BDNF: variants seen among roughly 807,000 people sequenced by gnomAD.
BDNF encodes the protein brain derived neurotrophic factor, also known as neurotrophic factor BDNF precursor form.
BDNF carries 1 observed loss-of-function variant against 19.5 expected under a neutral mutation model. The observed-to-expected ratio is 0.05, with a 90% confidence interval of 0.02 to 0.24. The LOEUF is 0.24. BDNF is among the 10% of genes least tolerant of loss of function. The pLI is 1.00. For missense variants in BDNF, 195 were observed against 317.6 expected, an observed-to-expected ratio of 0.61 and a Z score of 2.93; for synonymous variants, 100 against 121.6, an observed-to-expected ratio of 0.82 and a Z score of 1.17.
At chr11:27,692,682 T>C (rs1330927337) in intron 1 of BDNF, among the ~76,000 whole-genome samples, 1 of 152,244 alleles carries the variant, frequency 6.6e-6, no homozygotes, top group Non-Finnish European at 1.5e-5. Context: ...TAAAGTGCTC[T>C]GTATGCAGTG....
rs978476094 is a variant in BDNF at position 27,655,552 on chromosome 11, A to C, written c.*2269T>G. On this transcript the variant is annotated 3_prime_UTR_variant, in exon 2 of 2. Coordinates refer to ENST00000356660, the MANE Select transcript of BDNF (RefSeq NM_001709.5). The stretch of plus-strand genomic sequence containing the variant: ...AAATAATTACAAAGATAATATTTTC[A>C]AACAACACAAAACAAATCTACACTA... 1.3e-5 allele frequency: 2 copies of C among 151,536 alleles called. No individual in the cohort carries two copies. The highest frequency in any genetic ancestry group is 4.9e-5 in the African/African-American group (2 of 41,152). The allele number at this position is 151,536 out of a possible 1,614,324, so 9.4% of individuals were successfully genotyped here.
chr11:27,659,449 G>C (rs948945430), intron 1 of BDNF: 14 of 1,000,170 alleles, frequency 1.4e-5, no homozygotes, highest in Non-Finnish European at 1.7e-5. Flanking sequence ...GTCTGGTAAG[G>C]AGAAAACTGA....
At chr11:27,659,722 A>T (rs777927589) in intron 1 of BDNF, 25 of 967,968 alleles carry the variant, frequency 2.6e-5, no homozygotes, top group Non-Finnish European at 3.1e-5. Context: ...CACATTTTGG[A>T]ATAGGCAGCT....
At chr11:27,674,024 T>C in intron 1 of BDNF, 1 of 1,509,560 alleles carries the variant, frequency 6.6e-7, no homozygotes. Flanking sequence ...AAAGATAAAA[T>C]TAGCAAGAGA....
intron 1 of BDNF, chr11:27,660,042 G>T: frequency 2.8e-6 from 1 of 355,756 alleles, no homozygotes; most frequent in Non-Finnish European, 4.6e-6. Flanking sequence ...CAGTTCTGAG[G>T]CATGGACTTA....
At chr11:27,690,791 C>T (rs977960426) in intron 1 of BDNF, among the ~76,000 whole-genome samples, 1 of 152,044 alleles carries the variant, frequency 6.6e-6, no homozygotes, top group Non-Finnish European at 1.5e-5. Flanking sequence ...TAAATGGAAG[C>T]ATTCTCACAA....
At chr11:27,679,974 G>A (rs11826087) in intron 1 of BDNF, among the ~76,000 whole-genome samples, 4,253 of 152,296 alleles carry the variant, frequency 0.028, 190 homozygotes, top group African/African-American at 0.098. Context: ...TTTCTCCAGA[G>A]CTACAAAGGT....
intron 1 of BDNF, among the ~76,000 whole-genome samples, chr11:27,690,513 A>G (rs940768047): frequency 3.9e-5 from 6 of 152,096 alleles, no homozygotes; most frequent in Non-Finnish European, 5.9e-5. Context: ...AATATTTCTG[A>G]GTTAATGATG....
chr11:27,677,931 C>T (rs1195397860), intron 1 of BDNF: 1 of 152,096 alleles, frequency 6.6e-6, no homozygotes, highest in Non-Finnish European at 1.5e-5. Flanking sequence ...TTAAGAAGTC[C>T]TGTGGGTGCC....
upstream of BDNF, chr11:27,700,837 G>A (rs1590467624): frequency 8.1e-7 from 1 of 1,234,240 alleles, no homozygotes. Context: ...TGTGGGCGCT[G>A]GGGCGGGAGG....
Position 27,698,226 on chromosome 11 carries a change from C to CAA in BDNF, c.-22+1936_-22+1937dup, listed in dbSNP as rs10626744. ...CCTGCTAACCCAGAGGTAAATTTCC[C>CAA]AAAAAAAAAAAAAAAAAAAAAAAAA... On this transcript the variant is annotated intron_variant, in intron 1 of 1. Transcript: ENST00000356660. The CAA allele has an allele frequency of 3.1e-4, 25 of 80,820 alleles. 4 individuals carry two copies. The highest frequency in any genetic ancestry group is 6.8e-4 in the African/African-American group (17 of 24,924). The allele number at this position is 80,820 out of a possible 1,614,324, so 5.0% of individuals were successfully genotyped here. A position where few individuals can be genotyped will look rare whatever the true frequency, so the allele number is the denominator to read the frequency against.
intron 1 of BDNF, chr11:27,720,550 C>G: frequency 1.0e-6 from 1 of 985,726 alleles, no homozygotes; most frequent in Non-Finnish European, 1.2e-6. Flanking sequence ...CTGACTCTCT[C>G]TCCAGCCCCG....
intron 1 of BDNF, among the ~76,000 whole-genome samples, chr11:27,668,276 G>C (rs1854715119): frequency 6.6e-6 from 1 of 152,216 alleles, no homozygotes; most frequent in Non-Finnish European, 1.5e-5. Context: ...GCAGTGTGTA[G>C]AGGGAAATTT....
At chr11:27,721,322 T>A in intron 1 of BDNF, 1 of 1,437,220 alleles carries the variant, frequency 7.0e-7, no homozygotes, top group Non-Finnish European at 9.8e-7. Flanking sequence ...TTCTTTGGCG[T>A]GTGAAGTGCT....
upstream of BDNF, chr11:27,701,414 G>T: frequency 9.6e-7 from 1 of 1,040,020 alleles, no homozygotes; most frequent in South Asian, 3.5e-5. Flanking sequence ...ATTAAAGGGG[G>T]GAGGGGGCGC....
intron 1 of BDNF, chr11:27,674,077 C>G (rs1438823277): frequency 6.2e-7 from 1 of 1,607,652 alleles, no homozygotes; most frequent in South Asian, 1.1e-5. Context: ...AAACCATTTT[C>G]AGGGATCAGT....
At chr11:27,699,851 G>T (rs1590460239) in intron 1 of BDNF, among the ~76,000 whole-genome samples, 1 of 152,158 alleles carries the variant, frequency 6.6e-6, no homozygotes, top group East Asian at 1.9e-4. Flanking sequence ...TGGGCTGGGG[G>T]AGGGCTGCGA....
chr11:27,698,482 AT>A (rs1177558463), intron 1 of BDNF, among the ~76,000 whole-genome samples: 1 of 152,168 alleles, frequency 6.6e-6, no homozygotes, highest in Non-Finnish European at 1.5e-5. Context: ...GTTCATACAA[AT>A]TAAATCTGTA....
At position 27,657,195 on chromosome 11, in the gene BDNF, A is replaced by C. The variant is rs1852680189; in HGVS notation, c.*626T>G. The C allele has an allele frequency of 1.0e-6, 1 of 983,756 alleles. No individual in the cohort carries two copies. The highest frequency in any genetic ancestry group is 1.2e-6 in the Non-Finnish European group (1 of 827,948). The allele number at this position is 983,756 out of a possible 1,614,324, so 60.9% of individuals were successfully genotyped here. A position where few individuals can be genotyped will look rare whatever the true frequency, so the allele number is the denominator to read the frequency against. On this transcript the variant is annotated 3_prime_UTR_variant, in exon 2 of 2. Transcript: ENST00000356660. This position sits in a 1 kb window ranked among gnomAD's most constrained non-coding sequence, Gnocchi z 5.0. ...ATCAGCCAGAATATATATTGTAGGA[A>C]TTCTTTCCCCATCTCTACTCCCTGT...
Sources: gnomAD v4.1 joint callset for allele counts (sites outside exome capture counted in the v4.1 genomes callset) on GRCh38, gnomAD v4.1.1 for gene constraint, Gnocchi (gnomAD v3.1) non-coding constraint, MANE v1.5 for transcripts, NCBI Gene and HGNC (gene_info 2026-07-23, HGNC 2026-07-21) for gene names.